The following HSPA12A variants were observed in gnomAD, a reference collection of about 807,000 sequenced individuals.
HSPA12A encodes the protein heat shock 70 kDa protein 12A.
HSPA12A carries 28 observed loss-of-function variants against 69.2 expected under a neutral mutation model. The ratio of observed to expected loss-of-function variants is 0.40; its 90% CI spans 0.30 to 0.55. The LOEUF (loss-of-function observed/expected upper bound fraction) is 0.55, where lower values mean the gene tolerates loss of function less well. Ranked by LOEUF, HSPA12A falls within the 20% of genes least tolerant of loss-of-function variation. The probability of loss-of-function intolerance (pLI) is 0.38; values close to 1 mark genes in which losing one functional copy is unlikely to be tolerated. For missense variants in HSPA12A, 686 were observed against 900.7 expected, an observed-to-expected ratio of 0.76 and a Z score of 3.05; for synonymous variants, 345 against 370.5, an observed-to-expected ratio of 0.93 and a Z score of 0.79.
At chr10:116,749,733 G>A (rs1554888129) in intron 2 of HSPA12A, among the ~76,000 whole-genome samples, 1 of 152,212 alleles carries the variant, frequency 6.6e-6, no homozygotes, top group African/African-American at 2.4e-5. Context: ...CTATTCCCGA[G>A]TTTTTTAAGA....
chr10:116,729,936 A>T (rs1204434011), intron 1 of HSPA12A, among the ~76,000 whole-genome samples: 1 of 152,204 alleles, frequency 6.6e-6, no homozygotes, highest in Non-Finnish European at 1.5e-5. Context: ...AATAATAAAG[A>T]TGGCCAGGCG....
chr10:116,684,222 G>T (rs1221787275), intron 6 of HSPA12A, among the ~76,000 whole-genome samples: 2 of 152,086 alleles, frequency 1.3e-5, no homozygotes, highest in Admixed American at 1.3e-4. Context: ...TGGCTGTGGG[G>T]CCTCTTGCAC....
chr10:116,712,923 T>C (rs1554883295), intron 1 of HSPA12A, among the ~76,000 whole-genome samples: 1 of 145,484 alleles, frequency 6.9e-6, no homozygotes, highest in Non-Finnish European at 1.5e-5. Flanking sequence ...ATCAAATAAA[T>C]GCCCAATTTG....
chr10:116,689,582 G>A (rs1849674626), intron 6 of HSPA12A, among the ~76,000 whole-genome samples: 1 of 151,778 alleles, frequency 6.6e-6, no homozygotes, highest in Non-Finnish European at 1.5e-5. Flanking sequence ...GGGTTCTCCA[G>A]AGAAACAGAA....
intron 2 of HSPA12A, among the ~76,000 whole-genome samples, chr10:116,778,535 T>C (rs776775467): frequency 2.5e-4 from 38 of 152,264 alleles, no homozygotes; most frequent in Non-Finnish European, 5.1e-4. Context: ...GAGCTGCACT[T>C]TGGCTGAAGC....
chr10:116,743,890 T>C (rs1299904209), upstream of HSPA12A, among the ~76,000 whole-genome samples: 1 of 152,248 alleles, frequency 6.6e-6, no homozygotes, highest in African/African-American at 2.4e-5. Flanking sequence ...TATCTGAGCC[T>C]CAATATTCTC....
At chr10:116,774,155 G>A (rs971546828) in intron 2 of HSPA12A, among the ~76,000 whole-genome samples, 23 of 151,360 alleles carry the variant, frequency 1.5e-4, no homozygotes, top group African/African-American at 4.1e-4. Context: ...GACTACAGGC[G>A]CCCGCCACTA....
chr10:116,756,936 T>C (rs1220176994), intron 2 of HSPA12A, among the ~76,000 whole-genome samples: 6 of 152,210 alleles, frequency 3.9e-5, no homozygotes, highest in African/African-American at 1.2e-4. Context: ...CCAGGCATCC[T>C]TCTAGGCCTT....
chr10:116,740,899 A>T (rs115351665), intron 1 of HSPA12A, among the ~76,000 whole-genome samples: 2,177 of 150,310 alleles, frequency 0.014, 55 homozygotes, highest in African/African-American at 0.051. Flanking sequence ...AGGCTTTAGC[A>T]ATTCAACGCC....
Position 116,674,727 on chromosome 10 carries a change from G to T in HSPA12A, c.*54C>A. 1.3e-6 allele frequency: 2 copies of T among 1,540,210 alleles called. No homozygotes were observed. Among genetic ancestry groups the T allele is most frequent in the South Asian group, 1.2e-5 (1 of 83,334 alleles). ...TAGGGAAAGAACAGTCAAGGTTGAG[G>T]TCAGCAGATGCAGATAAGTTGAGTC... On this transcript the variant is annotated 3_prime_UTR_variant, in exon 12 of 12. Transcript: ENST00000369209.
At chr10:116,678,065 G>T (rs1368101461) in intron 10 of HSPA12A, among the ~76,000 whole-genome samples, 1 of 151,592 alleles carries the variant, frequency 6.6e-6, no homozygotes, top group Admixed American at 6.6e-5. Context: ...GTAGTTCAGG[G>T]CAACCAAACC....
intron 2 of HSPA12A, among the ~76,000 whole-genome samples, chr10:116,823,168 C>A (rs1845435908): frequency 6.6e-6 from 1 of 152,146 alleles, no homozygotes; most frequent in Admixed American, 6.5e-5. Context: ...GTGAAATGAA[C>A]AATCCAAAAA....
chr10:116,805,239 C>T (rs1218601763), intron 2 of HSPA12A, among the ~76,000 whole-genome samples: 1 of 152,066 alleles, frequency 6.6e-6, no homozygotes, highest in Non-Finnish European at 1.5e-5. Context: ...TGGCGTGAAC[C>T]CGGGAGGCGG....
At chr10:116,809,858 G>A (rs1044722568) in intron 2 of HSPA12A, among the ~76,000 whole-genome samples, 6 of 152,204 alleles carry the variant, frequency 3.9e-5, no homozygotes, top group Non-Finnish European at 8.8e-5. Context: ...AACTGGCAGA[G>A]CACTGGAAAA....
At chr10:116,749,178 T>A (rs1851717258) in intron 2 of HSPA12A, among the ~76,000 whole-genome samples, 1 of 152,196 alleles carries the variant, frequency 6.6e-6, no homozygotes, top group Non-Finnish European at 1.5e-5. Context: ...GACTTTCCCC[T>A]TCTCCAGCCC....
intron 1 of HSPA12A, among the ~76,000 whole-genome samples, chr10:116,712,670 C>T (rs1312033575): frequency 1.3e-5 from 2 of 152,194 alleles, no homozygotes; most frequent in Admixed American, 6.5e-5. Context: ...AACTTGCTTG[C>T]TGTTCTCCTC....
intron 1 of HSPA12A, among the ~76,000 whole-genome samples, chr10:116,709,233 G>A (rs1850350663): frequency 6.6e-6 from 1 of 152,174 alleles, no homozygotes; most frequent in Non-Finnish European, 1.5e-5. Context: ...GATCACTTGA[G>A]GTCAGGAGCT....
intron 1 of HSPA12A, among the ~76,000 whole-genome samples, chr10:116,839,604 TAAAAAA>T (rs59427633): frequency 3.4e-5 from 2 of 59,134 alleles, no homozygotes; most frequent in Admixed American, 2.5e-4. Flanking sequence ...ATGCCTACCG[TAAAAAA>T]AAAAAAAAAA....
chr10:116,772,391 G>T (rs1007741501), intron 2 of HSPA12A, among the ~76,000 whole-genome samples: 1 of 152,090 alleles, frequency 6.6e-6, no homozygotes, highest in Non-Finnish European at 1.5e-5. Flanking sequence ...GACCAGCAGG[G>T]CTGGCTCTGC....
Sources: allele counts gnomAD v4.1 joint callset (sites outside exome capture counted in the v4.1 genomes callset), GRCh38; gene constraint gnomAD v4.1.1; transcripts MANE v1.5; gene names NCBI Gene and HGNC (gene_info 2026-07-23, HGNC 2026-07-21).